The following ZRANB3 variants were observed in gnomAD, a reference collection of about 807,000 sequenced individuals.
The protein encoded by ZRANB3 is DNA annealing helicase and endonuclease ZRANB3.
ZRANB3 carries 125 observed loss-of-function variants against 133.8 expected under a neutral mutation model. That is an observed-to-expected ratio of 0.93 (90% CI 0.81 to 1.08). The LOEUF (loss-of-function observed/expected upper bound fraction) is 1.08. Ranked by LOEUF, ZRANB3 falls within the 50% of genes least tolerant of loss-of-function variation. The probability of loss-of-function intolerance (pLI) is 0.00; values close to 1 mark genes in which losing one functional copy is unlikely to be tolerated. For synonymous variants in ZRANB3, 387 were observed against 432.7 expected, an observed-to-expected ratio of 0.89 and a Z score of 1.31; for missense variants, 1,229 against 1,275.5, an observed-to-expected ratio of 0.96 and a Z score of 0.56.
In ZRANB3 at chr2:135,366,388, A is replaced by G. The variant is rs183910846; in HGVS notation, c.181-12760T>C. On this transcript the variant is annotated intron_variant, in intron 3 of 20. Transcript: ENST00000264159. ...TAAAATGAAAAAGGAAATAAGCAAG[A>G]GGAAAACAAAATGCTGGTTAATCAC... Among the ~76,000 whole-genome samples, 5 of 152,318 alleles carry G rather than the reference A, an allele frequency of 3.3e-5. No individual in the cohort carries two copies. In the East Asian group the frequency reaches 9.6e-4, roughly 29 times the overall value.
At chr2:135,250,917 G>A (rs1188001561) in intron 12 of ZRANB3, among the ~76,000 whole-genome samples, 1 of 152,224 alleles carries the variant, frequency 6.6e-6, no homozygotes, top group Non-Finnish European at 1.5e-5. Flanking sequence ...GCTGTGAAAA[G>A]AGGGCCACCT....
chr2:135,488,831 T>C (rs891742121), intron 2 of ZRANB3, among the ~76,000 whole-genome samples: 1 of 150,210 alleles, frequency 6.7e-6, no homozygotes, highest in Non-Finnish European at 1.5e-5. Context: ...AAATATAGCA[T>C]ACCATATTTG....
At chr2:135,483,706 G>C (rs1298284712) in intron 2 of ZRANB3, among the ~76,000 whole-genome samples, 1 of 151,960 alleles carries the variant, frequency 6.6e-6, no homozygotes, top group Non-Finnish European at 1.5e-5. Flanking sequence ...GTGATGTTAG[G>C]GTGTCAATTT....
chr2:135,426,428 A>G (rs1689070579), intron 2 of ZRANB3, among the ~76,000 whole-genome samples: 1 of 152,198 alleles, frequency 6.6e-6, no homozygotes, highest in Non-Finnish European at 1.5e-5. Flanking sequence ...ATGTGCACAG[A>G]TGCAAAAATC....
chr2:135,381,852 T>C (rs952315757), intron 3 of ZRANB3, among the ~76,000 whole-genome samples: 1 of 151,918 alleles, frequency 6.6e-6, no homozygotes, highest in African/African-American at 2.4e-5. Context: ...CATGGCACCA[T>C]CATCAAATAC....
At chr2:135,469,060 TTACAATTCAAAACTAAACTTCTGAAGA>T (rs944811621) in intron 2 of ZRANB3, among the ~76,000 whole-genome samples, 4 of 152,128 alleles carry the variant, frequency 2.6e-5, no homozygotes, top group African/African-American at 4.8e-5. Flanking sequence ...TTATGACTGA[TTACAATTCAAAACTAAACTTCTGAAGA>T]TACAATTCAA....
intron 2 of ZRANB3, among the ~76,000 whole-genome samples, chr2:135,492,639 A>G (rs1231313504): frequency 6.6e-6 from 1 of 152,158 alleles, no homozygotes; most frequent in Non-Finnish European, 1.5e-5. Flanking sequence ...AAGTAAAGGT[A>G]ATTTACAATG....
At chr2:135,432,779 A>C (rs1689376666) in intron 2 of ZRANB3, among the ~76,000 whole-genome samples, 1 of 152,190 alleles carries the variant, frequency 6.6e-6, no homozygotes, top group Non-Finnish European at 1.5e-5. Flanking sequence ...GAACAACAAC[A>C]ACAAAAAGTT....
intron 2 of ZRANB3, among the ~76,000 whole-genome samples, chr2:135,397,235 C>T (rs1687532504): frequency 6.6e-6 from 1 of 151,822 alleles, no homozygotes; most frequent in African/African-American, 2.4e-5. Flanking sequence ...TTTAGCGTAC[C>T]AATCTGAGAC....
intron 8 of ZRANB3, among the ~76,000 whole-genome samples, chr2:135,289,325 G>A (rs1212798178): frequency 2.0e-5 from 3 of 152,054 alleles, no homozygotes; most frequent in East Asian, 1.9e-4. Flanking sequence ...GCGTGATCTC[G>A]GCTCACTGCA....
intron 19 of ZRANB3, 100 bp from the exon 20 acceptor site, chr2:135,203,063 A>G (rs1222994305): frequency 7.2e-7 from 1 of 1,385,976 alleles, no homozygotes; most frequent in East Asian, 2.6e-5. Flanking sequence ...CAGGAAAATC[A>G]TGGGGAAAAA....
chr2:135,471,870 A>G (rs1170867223), intron 2 of ZRANB3, among the ~76,000 whole-genome samples: 2 of 152,234 alleles, frequency 1.3e-5, no homozygotes, highest in Non-Finnish European at 2.9e-5. Flanking sequence ...CAGTCATTAC[A>G]TGACTAGTCT....
intron 12 of ZRANB3, among the ~76,000 whole-genome samples, chr2:135,237,007 T>C (rs1240397521): frequency 6.6e-6 from 1 of 151,954 alleles, no homozygotes; most frequent in Admixed American, 6.6e-5. Flanking sequence ...ACAGGCAACC[T>C]ACAGAATGGG....
chr2:135,289,482 C>T (rs1681572637), intron 8 of ZRANB3, among the ~76,000 whole-genome samples: 1 of 152,132 alleles, frequency 6.6e-6, no homozygotes. Flanking sequence ...TCTTGAACTC[C>T]TGAACTTGTG....
chr2:135,362,841 C>T (rs1469517212), intron 3 of ZRANB3, among the ~76,000 whole-genome samples: 1 of 152,054 alleles, frequency 6.6e-6, no homozygotes, highest in Non-Finnish European at 1.5e-5. Flanking sequence ...AGATGTTATG[C>T]TTTTAATGTG....
intron 4 of ZRANB3, among the ~76,000 whole-genome samples, chr2:135,350,634 T>G (rs1389056362): frequency 1.3e-5 from 2 of 152,162 alleles, no homozygotes; most frequent in Admixed American, 1.3e-4. Context: ...TAAGTGAAGC[T>G]CTGCAGTGCA....
chr2:135,424,088 G>A (rs1688971600), intron 2 of ZRANB3, among the ~76,000 whole-genome samples: 1 of 152,152 alleles, frequency 6.6e-6, no homozygotes, highest in African/African-American at 2.4e-5. Context: ...AGAAAACACT[G>A]ATGATTTAAA....
chr2:135,423,171 G>A (rs578219742), intron 2 of ZRANB3, among the ~76,000 whole-genome samples: 1 of 152,308 alleles, frequency 6.6e-6, no homozygotes, highest in East Asian at 1.9e-4. Flanking sequence ...ACTGGATCAT[G>A]CCTGTAATCC....
chr2:135,521,298 C>T (rs1693929495), intron 1 of ZRANB3, among the ~76,000 whole-genome samples: 1 of 152,162 alleles, frequency 6.6e-6, no homozygotes, highest in Non-Finnish European at 1.5e-5. Flanking sequence ...CCTGTAATCC[C>T]AGCACTTTGG....
Sources: gnomAD v4.1 joint callset for allele counts (sites outside exome capture counted in the v4.1 genomes callset) on GRCh38, gnomAD v4.1.1 for gene constraint, MANE v1.5 for transcripts, NCBI Gene and HGNC (gene_info 2026-07-23, HGNC 2026-07-21) for gene names.